PGBD5: variants seen among roughly 807,000 people sequenced by gnomAD.
The protein encoded by PGBD5 is piggyBac transposable element derived 5, also known as piggyBac transposable element-derived protein 5.
Under a neutral mutation model 47.9 loss-of-function variants are expected in PGBD5, and 14 were observed. That is an observed-to-expected ratio of 0.29 (90% CI 0.19 to 0.46). The LOEUF is 0.46. Ranked by LOEUF, PGBD5 falls within the 20% of genes least tolerant of loss-of-function variation. The pLI is 1.00. For synonymous variants in PGBD5, 316 were observed against 306.3 expected, an observed-to-expected ratio of 1.03 and a Z score of -0.33; for missense variants, 635 against 716.0, an observed-to-expected ratio of 0.89 and a Z score of 1.29.
At chr1:230,405,487 CACATA>C (rs1657279887) in intron 1 of PGBD5, among the ~76,000 whole-genome samples, 1 of 152,178 alleles carries the variant, frequency 6.6e-6, no homozygotes, top group Non-Finnish European at 1.5e-5. Context: ...GTATATAATA[CACATA>C]ACATACAAAA....
intron 5 of PGBD5, among the ~76,000 whole-genome samples, chr1:230,327,348 C>T (rs143440513): frequency 2.2e-3 from 338 of 152,312 alleles, no homozygotes; most frequent in African/African-American, 7.7e-3. Flanking sequence ...CCCCTCCCAC[C>T]CCCACAACTC....
intron 1 of PGBD5, among the ~76,000 whole-genome samples, chr1:230,390,975 A>C (rs1418653686): frequency 6.6e-6 from 1 of 152,092 alleles, no homozygotes; most frequent in Non-Finnish European, 1.5e-5. Context: ...CCTGAGCTCA[A>C]GTGATCTGCC....
At chr1:230,342,520 C>T (rs1667420837) in intron 3 of PGBD5, among the ~76,000 whole-genome samples, 1 of 151,994 alleles carries the variant, frequency 6.6e-6, no homozygotes. Context: ...GGGGTGTGTG[C>T]GGCTGTCACC....
Position 230,361,529 on chromosome 1 carries a change from C to T in PGBD5, c.332-4208G>A, listed in dbSNP as rs555524333. Reference sequence around the variant, plus strand: ...CCTGGGTTCCCCACTCCCTCAGACCCAGGGCAGCATGTATAGTGGCTTGGT... The same window carrying T: ...CCTGGGTTCCCCACTCCCTCAGACCTAGGGCAGCATGTATAGTGGCTTGGT... On this transcript the variant is annotated intron_variant, in intron 1 of 6. Transcript: ENST00000391860. Among the ~76,000 whole-genome samples the T allele has an allele frequency of 1.0e-3, 159 of 152,272 alleles. 1 individual carries two copies. In the Middle Eastern group the frequency reaches 0.027, roughly 26 times the overall value.
intron 3 of PGBD5, among the ~76,000 whole-genome samples, chr1:230,338,442 G>A (rs943738069): frequency 6.6e-6 from 1 of 152,228 alleles, no homozygotes; most frequent in Non-Finnish European, 1.5e-5. Context: ...GTCAGCCAGG[G>A]ACTGCGTTCA....
At chr1:230,382,193 C>G (rs2102726527) in intron 1 of PGBD5, among the ~76,000 whole-genome samples, 1 of 152,368 alleles carries the variant, frequency 6.6e-6, no homozygotes, top group African/African-American at 2.4e-5. Flanking sequence ...TGCTCAGAGA[C>G]AGCCCTGAGT....
chr1:230,411,588 AAAT>A (rs1264894378), intron 1 of PGBD5, among the ~76,000 whole-genome samples: 3 of 152,254 alleles, frequency 2.0e-5, no homozygotes, highest in African/African-American at 7.2e-5. Context: ...GGCAATTAAG[AAAT>A]AATAAACCAA....
intron 1 of PGBD5, among the ~76,000 whole-genome samples, chr1:230,396,222 TCCTTTTTACCCCCACACTCCTCCC>T (rs1319895784): frequency 2.5e-4 from 2 of 8,106 alleles, no homozygotes; most frequent in African/African-American, 7.6e-4. Flanking sequence ...CTCACATTCC[TCCTTTTTACCCCCACACTCCTCCC>T]TTTTACCCCC....
At chr1:230,395,164 C>T (rs1656904117) in intron 1 of PGBD5, among the ~76,000 whole-genome samples, 1 of 61,840 alleles carries the variant, frequency 1.6e-5, no homozygotes, top group South Asian at 9.2e-4. Flanking sequence ...CACCCTCCTC[C>T]CCTCCTCTCC....
intron 1 of PGBD5, among the ~76,000 whole-genome samples, chr1:230,416,093 A>G (rs75957105): frequency 0.049 from 7,436 of 152,302 alleles, 288 homozygotes; most frequent in South Asian, 0.2. Context: ...GCTTCCCTGT[A>G]AATTCCTCAT....
intron 1 of PGBD5, among the ~76,000 whole-genome samples, chr1:230,371,411 G>A (rs1172305497): frequency 6.6e-6 from 1 of 152,150 alleles, no homozygotes; most frequent in Non-Finnish European, 1.5e-5. Context: ...AAGGCAACCA[G>A]CTGGGACTTG....
At chr1:230,327,108 C>T (rs1195936443) in intron 5 of PGBD5, among the ~76,000 whole-genome samples, 1 of 152,118 alleles carries the variant, frequency 6.6e-6, no homozygotes, top group Non-Finnish European at 1.5e-5. Flanking sequence ...ACGCCTTCTT[C>T]CTAACAGCCG....
intron 5 of PGBD5, among the ~76,000 whole-genome samples, chr1:230,332,362 C>G (rs1007997623): frequency 6.6e-6 from 1 of 152,148 alleles, no homozygotes; most frequent in Non-Finnish European, 1.5e-5. Context: ...CTAAGTAAGT[C>G]CCTTTGTTAA....
chr1:230,332,742 G>A, intron 5 of PGBD5, 102 bp downstream of exon 5: 1 of 1,375,366 alleles, frequency 7.3e-7, no homozygotes, highest in East Asian at 2.3e-5. Context: ...CCCCAGAGCA[G>A]CACAGCCCAC....
At chr1:230,386,960 C>T (rs74578471) in intron 1 of PGBD5, among the ~76,000 whole-genome samples, 7,986 of 152,234 alleles carry the variant, frequency 0.052, 227 homozygotes, top group South Asian at 0.073. Context: ...GAAGTGAGTT[C>T]AAGTTCCTAA....
chr1:230,380,137 G>C (rs559149222), intron 1 of PGBD5, among the ~76,000 whole-genome samples: 2 of 152,326 alleles, frequency 1.3e-5, no homozygotes, highest in East Asian at 3.9e-4. Flanking sequence ...TGATGCATCT[G>C]TCCAAAGGCA....
chr1:230,425,523 C>T lies in PGBD5; in HGVS notation c.331+75G>A. 1.8e-6 allele frequency: 2 copies of T among 1,104,972 alleles called. No homozygotes were observed. Among genetic ancestry groups the T allele is most frequent in the Non-Finnish European group, 2.3e-6 (2 of 879,274 alleles). The allele number at this position is 1,104,972 out of a possible 1,614,324, so 68.4% of individuals were successfully genotyped here. A position where few individuals can be genotyped will look rare whatever the true frequency, so the allele number is the denominator to read the frequency against. ...AGCCCACGGAGAGTCTGGACTCGCC[C>T]GCCCCAGCACCCACGCCTCCCCCGC... On this transcript the variant is annotated intron_variant, in intron 1 of 6. Transcript: ENST00000391860. The surrounding 1 kb of genome is among the most constrained non-coding windows in gnomAD (Gnocchi z 4.7).
chr1:230,348,181 T>G (rs1667504562), intron 3 of PGBD5, among the ~76,000 whole-genome samples: 1 of 152,230 alleles, frequency 6.6e-6, no homozygotes, highest in Admixed American at 6.5e-5. Flanking sequence ...GAAAATGTCC[T>G]GTGTACAGAA....
At chr1:230,403,781 C>A (rs1212959279) in intron 1 of PGBD5, among the ~76,000 whole-genome samples, 1 of 152,206 alleles carries the variant, frequency 6.6e-6, no homozygotes, top group African/African-American at 2.4e-5. Context: ...AGACCCAGGC[C>A]CCCTGAGCCA....
Sources: gnomAD v4.1 joint callset for allele counts (sites outside exome capture counted in the v4.1 genomes callset) on GRCh38, gnomAD v4.1.1 for gene constraint, Gnocchi (gnomAD v3.1) non-coding constraint, MANE v1.5 for transcripts, NCBI Gene and HGNC (gene_info 2026-07-23, HGNC 2026-07-21) for gene names.